The following ANOS1 variants were observed in gnomAD, a reference collection of about 807,000 sequenced individuals.
ANOS1 encodes anosmin 1, also known as anosmin-1.
A neutral mutation model predicts 59.0 loss-of-function variants in ANOS1; 6 were observed. The ratio of observed to expected loss-of-function variants is 0.10; its 90% CI spans 0.06 to 0.20. The LOEUF (loss-of-function observed/expected upper bound fraction) is 0.20, where lower values mean the gene tolerates loss of function less well. Among genes scored for constraint, ANOS1 ranks in the 10% least tolerant of loss-of-function variants. The pLI is 1.00. For missense variants in ANOS1, 433 were observed against 542.3 expected, an observed-to-expected ratio of 0.80 and a Z score of 2.00; for synonymous variants, 217 against 223.4, an observed-to-expected ratio of 0.97 and a Z score of 0.25.
chrX:8,655,561 C>T (rs760186320), intron 2 of ANOS1, among the ~76,000 whole-genome samples: 32 of 111,439 alleles, frequency 2.9e-4, no homozygotes, highest in Admixed American at 2.5e-3. Context: ...CATGCTACAT[C>T]GTCACACTGA....
intron 1 of ANOS1, among the ~76,000 whole-genome samples, chrX:8,730,259 C>A (rs757493591): frequency 8.9e-6 from 1 of 112,385 alleles, no homozygotes; most frequent in African/African-American, 3.2e-5. Flanking sequence ...GGGTAGGACT[C>A]GGAGGGCTGG....
chrX:8,564,919 G>C (rs748396153), intron 8 of ANOS1, among the ~76,000 whole-genome samples: 2 of 111,685 alleles, frequency 1.8e-5, no homozygotes, highest in Non-Finnish European at 3.8e-5. Context: ...AGAGAAAAAG[G>C]TTTATAATCA....
rs1006409458 is a variant in ANOS1, at chrX:8,530,939, C to A, written c.*2056G>T. On this transcript the variant is annotated 3_prime_UTR_variant, in exon 14 of 14. Coordinates refer to ENST00000262648, the MANE Select transcript of ANOS1 (RefSeq NM_000216.4). ...ATGACACCAGAATAAAAAAGAGAAG[C>A]TATCTATGGTATCCATTTATTCAAG... 1 of 109,798 alleles carries A rather than the reference C, an allele frequency of 9.1e-6. No homozygotes were observed. The highest frequency in any genetic ancestry group is 1.9e-5 in the Non-Finnish European group (1 of 52,643). 9.0% of individuals were successfully genotyped at this position (109,798 alleles called of 1,213,427 possible).
chrX:8,590,881 T>C (rs1393381776), intron 4 of ANOS1, among the ~76,000 whole-genome samples: 6 of 112,008 alleles, frequency 5.4e-5, no homozygotes, highest in Non-Finnish European at 7.5e-5. Flanking sequence ...GCCATCTTTA[T>C]CATATATTGT....
rs1472864392 is a variant in ANOS1 at position 8,531,415 on chromosome X, C to G, written c.*1580G>C. The G allele has an allele frequency of 1.8e-5, 2 of 111,571 alleles. No homozygotes were observed. Among genetic ancestry groups the G allele is most frequent in the Non-Finnish European group, 3.8e-5 (2 of 53,115 alleles). 9.2% of individuals were successfully genotyped at this position (111,571 alleles called of 1,213,427 possible). A position where few individuals can be genotyped will look rare whatever the true frequency, so the allele number is the denominator to read the frequency against. ...ATGAATTCAGGAAACAATAAAACAA[C>G]AAGAAGCAAGTACCATTGTCAAAAC... On this transcript the variant is annotated 3_prime_UTR_variant, in exon 14 of 14. Transcript: ENST00000262648.
chrX:8,569,502 T>A (rs371589702), intron 7 of ANOS1, among the ~76,000 whole-genome samples: 6 of 110,550 alleles, frequency 5.4e-5, no homozygotes, highest in South Asian at 3.9e-4. Context: ...ATTAGCTGGG[T>A]GTGGTGGCGG....
chrX:8,686,910 C>T (rs755870209), intron 2 of ANOS1, among the ~76,000 whole-genome samples: 37 of 111,589 alleles, frequency 3.3e-4, no homozygotes, highest in African/African-American at 1.1e-3. Flanking sequence ...GCCAACATCG[C>T]GCCACTGCAT....
intron 8 of ANOS1, among the ~76,000 whole-genome samples, chrX:8,555,250 AG>A (rs1307588544): frequency 8.9e-6 from 1 of 111,868 alleles, no homozygotes; most frequent in African/African-American, 3.3e-5. Context: ...GGAAATTTAT[AG>A]CACGAAATGC....
At chrX:8,582,129 G>A (rs1422758074) in intron 6 of ANOS1, among the ~76,000 whole-genome samples, 2 of 112,256 alleles carry the variant, frequency 1.8e-5, no homozygotes, top group African/African-American at 6.5e-5. Flanking sequence ...CATCCTAATT[G>A]AGTGCAAGGA....
chrX:8,695,122 G>A (rs1323084952), intron 2 of ANOS1, among the ~76,000 whole-genome samples: 2 of 111,346 alleles, frequency 1.8e-5, no homozygotes, highest in African/African-American at 6.5e-5. Context: ...GACCAGCCTG[G>A]CCAACATGTC....
chrX:8,630,800 G>A (rs890905417), intron 2 of ANOS1, among the ~76,000 whole-genome samples: 1 of 112,842 alleles, frequency 8.9e-6, no homozygotes, highest in Non-Finnish European at 1.9e-5. Context: ...TTAGAGAGGT[G>A]AGACATTGCA....
intron 1 of ANOS1, among the ~76,000 whole-genome samples, chrX:8,719,534 C>T (rs1460998623): frequency 9.0e-6 from 1 of 111,247 alleles, no homozygotes; most frequent in East Asian, 2.8e-4. Context: ...GTGCGCACCA[C>T]CATGCCTGGC....
chrX:8,542,283 T>A (rs143748874), intron 9 of ANOS1, among the ~76,000 whole-genome samples: 1,313 of 111,908 alleles, frequency 0.012, 16 homozygotes, highest in African/African-American at 0.04. Flanking sequence ...AGCTACCATG[T>A]TGATTTCTGC....
chrX:8,613,018 C>G (rs1404721390), intron 3 of ANOS1, among the ~76,000 whole-genome samples: 1 of 111,993 alleles, frequency 8.9e-6, no homozygotes, highest in Non-Finnish European at 1.9e-5. Flanking sequence ...ATTCATTTAA[C>G]CTGAGTACAT....
chrX:8,595,811 A>G (rs997611517), intron 4 of ANOS1, among the ~76,000 whole-genome samples: 2 of 111,287 alleles, frequency 1.8e-5, no homozygotes, highest in Admixed American at 9.5e-5. Flanking sequence ...GTGGCCTGTT[A>G]GGAACTGGGT....
intron 8 of ANOS1, chrX:8,565,726 A>G (rs1392779186): frequency 8.9e-6 from 1 of 112,349 alleles, no homozygotes; most frequent in Non-Finnish European, 1.9e-5. Context: ...GTTTGGCTTG[A>G]GCAAAAGGGT....
At chrX:8,568,104 A>C in intron 8 of ANOS1, 128 bp downstream of exon 8, 1 of 647,829 alleles carries the variant, frequency 1.5e-6, no homozygotes, top group South Asian at 2.4e-5. Context: ...AGTCACATGC[A>C]TGTGGGTAAG....
intron 2 of ANOS1, among the ~76,000 whole-genome samples, chrX:8,624,016 T>G (rs368155762): frequency 5.5e-5 from 2 of 36,651 alleles, no homozygotes; most frequent in African/African-American, 2.0e-4. Flanking sequence ...CTTTTCTTTT[T>G]TTTTTTTTTT....
At chrX:8,595,206 C>T (rs189489192) in intron 4 of ANOS1, among the ~76,000 whole-genome samples, 89 of 111,364 alleles carry the variant, frequency 8.0e-4, no homozygotes, top group African/African-American at 2.9e-3. Flanking sequence ...GAATGCTACT[C>T]ATACATAGCA....
Sources: allele counts gnomAD v4.1 joint callset (sites outside exome capture counted in the v4.1 genomes callset), GRCh38; gene constraint gnomAD v4.1.1; transcripts MANE v1.5; gene names NCBI Gene and HGNC (gene_info 2026-07-23, HGNC 2026-07-21).